Variants in NHS observed in about 807,000 individuals in gnomAD.
NHS encodes the protein actin remodeling regulator NHS.
NHS carries 5 observed loss-of-function variants against 72.5 expected under a neutral mutation model. The observed-to-expected ratio is 0.07, with a 90% CI of 0.04 to 0.14. The LOEUF (loss-of-function observed/expected upper bound fraction) is 0.14. NHS is among the 10% of genes least tolerant of loss of function. The pLI, the probability that NHS is intolerant of heterozygous loss-of-function variation, is 1.00. For synonymous variants in NHS, 464 were observed against 547.7 expected (o/e 0.85, Z 2.13); for missense variants, 1,072 against 1,355.7 (o/e 0.79, Z 3.29).
chrX:17,433,638 TCCCTG>T (rs1262298231), intron 1 of NHS, among the ~76,000 whole-genome samples: 3 of 111,365 alleles, frequency 2.7e-5, no homozygotes, highest in Non-Finnish European at 5.7e-5. Context: ...CCTGAAAGGA[TCCCTG>T]CACTTGGTTT....
At chrX:17,432,590 A>G (rs375535708) in intron 1 of NHS, among the ~76,000 whole-genome samples, 4 of 112,598 alleles carry the variant, frequency 3.6e-5, no homozygotes, top group South Asian at 7.3e-4. Flanking sequence ...CTTTAGATGC[A>G]ACCCCTTCTC....
chrX:17,451,851 A>C (rs2064806884), intron 1 of NHS, among the ~76,000 whole-genome samples: 1 of 112,116 alleles, frequency 8.9e-6, no homozygotes, highest in South Asian at 3.7e-4. Flanking sequence ...ACCTAATTCT[A>C]ATATTCTCCT....
chrX:17,447,791 A>G (rs991399757), intron 1 of NHS, among the ~76,000 whole-genome samples: 6 of 106,494 alleles, frequency 5.6e-5, no homozygotes, highest in East Asian at 5.9e-4. Flanking sequence ...ACACGCACAC[A>G]CACACACACA....
chrX:17,516,044 TA>T (rs367873952), intron 1 of NHS, among the ~76,000 whole-genome samples: 836 of 88,730 alleles, frequency 9.4e-3, no homozygotes, highest in African/African-American at 0.016. Flanking sequence ...TTAAAAGATG[TA>T]AAAAAAAAAA....
At chrX:17,648,291 C>T (rs889110918) in intron 1 of NHS, among the ~76,000 whole-genome samples, 4 of 111,704 alleles carry the variant, frequency 3.6e-5, no homozygotes, top group Non-Finnish European at 7.5e-5. Flanking sequence ...ACAACTGGGC[C>T]ACCTGTACCT....
chrX:17,501,114 A>G (rs766027788), intron 1 of NHS, among the ~76,000 whole-genome samples: 22 of 111,019 alleles, frequency 2.0e-4, no homozygotes, highest in Non-Finnish European at 3.4e-4. Context: ...TCACAGCTGT[A>G]ATCCTAGCAC....
chrX:17,480,180 A>G (rs1324737730), intron 1 of NHS, among the ~76,000 whole-genome samples: 2 of 112,104 alleles, frequency 1.8e-5, no homozygotes, highest in African/African-American at 6.5e-5. Context: ...GGAAGAATCA[A>G]TATCATGCAA....
At chrX:17,578,804 C>A (rs981570130) in intron 1 of NHS, among the ~76,000 whole-genome samples, 2 of 112,130 alleles carry the variant, frequency 1.8e-5, no homozygotes, top group African/African-American at 6.5e-5. Context: ...ACAACTGTAC[C>A]TGGCATATAG....
chrX:17,643,259 C>A (rs1419691439), intron 1 of NHS, among the ~76,000 whole-genome samples: 1 of 111,748 alleles, frequency 8.9e-6, no homozygotes, highest in Non-Finnish European at 1.9e-5. Context: ...GCTCCAAAAC[C>A]TATGTTTTGT....
At chrX:17,656,553 G>A (rs2065957077) in intron 1 of NHS, among the ~76,000 whole-genome samples, 1 of 113,040 alleles carries the variant, frequency 8.8e-6, no homozygotes, top group Admixed American at 9.3e-5. Flanking sequence ...TGGCAGAGCT[G>A]AGCGAGGGTG....
intron 1 of NHS, among the ~76,000 whole-genome samples, chrX:17,589,075 G>A (rs181335038): frequency 3.6e-5 from 4 of 112,447 alleles, no homozygotes; most frequent in Admixed American, 1.9e-4. Context: ...TCAACACATA[G>A]CACAGTGTTA....
intron 1 of NHS, among the ~76,000 whole-genome samples, chrX:17,442,111 T>C (rs1394618241): frequency 8.9e-6 from 1 of 112,419 alleles, no homozygotes; most frequent in African/African-American, 3.2e-5. Context: ...ATAAGTAAGA[T>C]TTTGTAAGTG....
At chrX:17,649,879 G>A (rs1415887524) in intron 1 of NHS, among the ~76,000 whole-genome samples, 1 of 111,860 alleles carries the variant, frequency 8.9e-6, no homozygotes. Context: ...GAAGTCAAGG[G>A]AGTCCCTTTG....
At chrX:17,668,242 C>T (rs1174152504) in intron 1 of NHS, among the ~76,000 whole-genome samples, 1 of 110,952 alleles carries the variant, frequency 9.0e-6, no homozygotes, top group Non-Finnish European at 1.9e-5. Flanking sequence ...GCCTGGGTGA[C>T]ATAGTGAGAC....
At chrX:17,625,215 T>G (rs2147065036) in intron 1 of NHS, among the ~76,000 whole-genome samples, 1 of 112,035 alleles carries the variant, frequency 8.9e-6, no homozygotes, top group African/African-American at 3.2e-5. Context: ...GCAATGTGGC[T>G]TAATAGAAGA....
intron 1 of NHS, among the ~76,000 whole-genome samples, chrX:17,451,701 T>G (rs760465458): frequency 1.8e-5 from 2 of 112,272 alleles, no homozygotes; most frequent in Non-Finnish European, 3.8e-5. Flanking sequence ...ATGTATCTCA[T>G]TCTGCATTGT....
rs758275586 is a variant in NHS at position 17,687,324 on chromosome X, G to A, written c.566-418G>A. The stretch of plus-strand genomic sequence containing the variant: ...CAGAACTACAGCTCTGAGGCCCTGC[G>A]GCCAGAAGGCTGGAGCTGAGGCAGC... On this transcript the variant is annotated intron_variant, in intron 1 of 8. Coordinates refer to ENST00000676302, the MANE Select transcript of NHS (RefSeq NM_001291867.2). 5.0e-5 allele frequency: 11 copies of A among 219,450 alleles called. No homozygotes were observed. The East Asian group carries it at 9.0e-4, about 18-fold the overall frequency. 18.1% of individuals were successfully genotyped at this position (219,450 alleles called of 1,213,427 possible).
intron 1 of NHS, among the ~76,000 whole-genome samples, chrX:17,622,322 C>T (rs1211439917): frequency 8.9e-6 from 1 of 112,673 alleles, no homozygotes; most frequent in Non-Finnish European, 1.9e-5. Flanking sequence ...GCTTCCCGTG[C>T]CCATTTATCC....
intron 1 of NHS, among the ~76,000 whole-genome samples, chrX:17,601,100 T>A (rs187585895): frequency 4.8e-4 from 54 of 111,834 alleles, no homozygotes; most frequent in African/African-American, 1.6e-3. Flanking sequence ...GCTAGCATTG[T>A]AACTAATTAA....
Sources: allele counts gnomAD v4.1 joint callset (sites outside exome capture counted in the v4.1 genomes callset), GRCh38; gene constraint gnomAD v4.1.1; transcripts MANE v1.5; gene names NCBI Gene and HGNC (gene_info 2026-07-23, HGNC 2026-07-21).